Variants in RPS6KA2 observed in about 807,000 individuals in gnomAD.
The protein encoded by RPS6KA2 is ribosomal protein S6 kinase A2, also known as ribosomal protein S6 kinase alpha-2.
Under a neutral mutation model 91.8 loss-of-function variants are expected in RPS6KA2, and 42 were observed. The observed-to-expected ratio is 0.46, with a 90% CI of 0.36 to 0.59. The LOEUF (loss-of-function observed/expected upper bound fraction) is 0.59. Ranked by LOEUF, RPS6KA2 falls within the 20% of genes least tolerant of loss-of-function variation. The pLI, the probability that RPS6KA2 is intolerant of heterozygous loss-of-function variation, is 0.00. For missense variants in RPS6KA2, 798 were observed against 978.5 expected, an observed-to-expected ratio of 0.82 and a Z score of 2.46; for synonymous variants, 414 against 393.6, an observed-to-expected ratio of 1.05 and a Z score of -0.61.
chr6:166,723,704 C>CT (rs1249150694), intron 2 of RPS6KA2, among the ~76,000 whole-genome samples: 5,512 of 139,518 alleles, frequency 0.04, 359 homozygotes, highest in African/African-American at 0.12. Flanking sequence ...CTTTTCTTTT[C>CT]TTTTTTTTTT....
chr6:166,425,129 C>T (rs926122554), intron 16 of RPS6KA2, among the ~76,000 whole-genome samples: 1 of 152,192 alleles, frequency 6.6e-6, no homozygotes, highest in Admixed American at 6.5e-5. Context: ...ATCTCTATAA[C>T]AAATGTTCCT....
At chr6:166,597,110 G>A (rs1263275321) in intron 1 of RPS6KA2, among the ~76,000 whole-genome samples, 3 of 152,196 alleles carry the variant, frequency 2.0e-5, no homozygotes, top group South Asian at 2.1e-4. Context: ...CCACGAAAAC[G>A]AGACCAAGTG....
chr6:166,472,870 AGGGACAGAAAC>A (rs1780822910), intron 10 of RPS6KA2, among the ~76,000 whole-genome samples: 1 of 152,190 alleles, frequency 6.6e-6, no homozygotes, highest in East Asian at 1.9e-4. Flanking sequence ...TGACAAGAAC[AGGGACAGAAAC>A]TGTGAGCACA....
intron 1 of RPS6KA2, among the ~76,000 whole-genome samples, chr6:166,589,406 TCCACACTGGAATTGAAAAATAAC>T (rs555796698): frequency 6.6e-6 from 1 of 152,296 alleles, no homozygotes; most frequent in African/African-American, 2.4e-5. Context: ...CCATTACATA[TCCACACTGGAATTGAAAAATAAC>T]CCAGCTCAAT....
chr6:166,790,532 G>A (rs1225747291), intron 2 of RPS6KA2, among the ~76,000 whole-genome samples: 1 of 151,988 alleles, frequency 6.6e-6, no homozygotes, highest in East Asian at 1.9e-4. Context: ...GATACTCCTC[G>A]AGAAGAGCAA....
chr6:166,818,025 G>C (rs1456665722), intron 2 of RPS6KA2, among the ~76,000 whole-genome samples: 1 of 151,930 alleles, frequency 6.6e-6, no homozygotes, highest in South Asian at 2.1e-4. Context: ...GCCCGGCCCG[G>C]CCAAACCTTT....
intron 11 of RPS6KA2, among the ~76,000 whole-genome samples, chr6:166,468,646 G>A (rs1780628989): frequency 6.6e-6 from 1 of 151,934 alleles, no homozygotes; most frequent in African/African-American, 2.4e-5. Flanking sequence ...GGTGGATCAT[G>A]AGGTCAGGAG....
At chr6:166,845,595 G>A (rs9356521) in intron 2 of RPS6KA2, among the ~76,000 whole-genome samples, 88,025 of 151,512 alleles carry the variant, frequency 0.58, 26,709 homozygotes, top group Middle Eastern at 0.72. Flanking sequence ...AAATCAAATA[G>A]CCTGCTCCTG....
At chr6:166,531,129 T>C (rs1783259489) in intron 3 of RPS6KA2, 103 bp downstream of exon 3, 12 of 807,646 alleles carry the variant, frequency 1.5e-5, no homozygotes, top group Non-Finnish European at 6.6e-6. Flanking sequence ...AGAGACATTT[T>C]CAGAAATCGT....
intron 19 of RPS6KA2, among the ~76,000 whole-genome samples, chr6:166,416,257 T>TCTCCACCA (rs1778514190): frequency 6.8e-6 from 1 of 146,968 alleles, no homozygotes; most frequent in African/African-American, 2.5e-5. Context: ...ACCCTCACCA[T>TCTCCACCA]TTTTTCTCTG....
intron 2 of RPS6KA2, among the ~76,000 whole-genome samples, chr6:166,535,774 G>A (rs576906433): frequency 1.4e-4 from 22 of 152,342 alleles, no homozygotes; most frequent in Admixed American, 1.3e-3. Context: ...TCATTTTGAG[G>A]ATAAGGCTGT....
At chr6:166,776,715 G>A (rs1168637436) in intron 2 of RPS6KA2, among the ~76,000 whole-genome samples, 1 of 152,184 alleles carries the variant, frequency 6.6e-6, no homozygotes, top group South Asian at 2.1e-4. Flanking sequence ...CTCGAGGTTC[G>A]TCCATGTTGC....
At chr6:166,633,596 T>C (rs554371192) in intron 2 of RPS6KA2, among the ~76,000 whole-genome samples, 6 of 152,366 alleles carry the variant, frequency 3.9e-5, no homozygotes, top group South Asian at 2.1e-4. Context: ...ACTCGGTTAA[T>C]CCAGACTTAA....
intron 2 of RPS6KA2, among the ~76,000 whole-genome samples, chr6:166,676,613 C>T (rs954213144): frequency 1.3e-5 from 2 of 152,324 alleles, no homozygotes; most frequent in East Asian, 1.9e-4. Context: ...CAGACTGTCC[C>T]CTCCTGGAGG....
At position 166,626,422 on chromosome 6, in the gene RPS6KA2, T is replaced by C. The variant is rs1786877644; in HGVS notation, c.99+499A>G. Among the ~76,000 whole-genome samples, 3 of 152,324 alleles carry C rather than the reference T, an allele frequency of 2.0e-5. No individual in the cohort carries two copies. The South Asian group carries it at 6.2e-4, about 32-fold the overall frequency. On this transcript the variant is annotated intron_variant, in intron 1 of 20. Transcript: ENST00000265678. This position sits in a 1 kb window ranked among gnomAD's most constrained non-coding sequence, Gnocchi z 4.1. ...TGCCTGTTCTTCCCCGTTCTGTGAA[T>C]TCTACACTGACTTCAAGTGCACGAA...
intron 2 of RPS6KA2, among the ~76,000 whole-genome samples, chr6:166,734,071 C>G (rs1193290378): frequency 1.3e-5 from 2 of 151,992 alleles, no homozygotes; most frequent in African/African-American, 2.4e-5. Context: ...TTCAATTTTC[C>G]CCAACAATAG....
At chr6:166,701,694 AG>A in intron 2 of RPS6KA2, 1 of 1,320,304 alleles carries the variant, frequency 7.6e-7, no homozygotes. Flanking sequence ...GCATCCCTGA[AG>A]TGGGTGGGAA....
intron 2 of RPS6KA2, among the ~76,000 whole-genome samples, chr6:166,660,798 C>T (rs1192016885): frequency 6.6e-6 from 1 of 152,084 alleles, no homozygotes; most frequent in East Asian, 1.9e-4. Context: ...ATCCTCTTTA[C>T]CTGGGTGGCA....
At chr6:166,675,497 G>T (rs908494410) in intron 2 of RPS6KA2, among the ~76,000 whole-genome samples, 1 of 152,110 alleles carries the variant, frequency 6.6e-6, no homozygotes, top group Non-Finnish European at 1.5e-5. Context: ...GTGACACCCG[G>T]CAAGGCCCTG....
Sources: gnomAD v4.1 joint callset for allele counts (sites outside exome capture counted in the v4.1 genomes callset) on GRCh38, gnomAD v4.1.1 for gene constraint, Gnocchi (gnomAD v3.1) non-coding constraint, MANE v1.5 for transcripts, NCBI Gene and HGNC (gene_info 2026-07-23, HGNC 2026-07-21) for gene names.